The following ZNF599 variants were observed in gnomAD, a reference collection of about 807,000 sequenced individuals.
ZNF599 encodes the protein zinc finger protein 599.
A neutral mutation model predicts 11.7 loss-of-function variants in ZNF599; 10 were observed. The ratio of observed to expected loss-of-function variants is 0.86; its 90% CI spans 0.53 to 1.45. The LOEUF is 1.45. ZNF599 is among the 40% of genes most tolerant of loss of function. The probability of loss-of-function intolerance (pLI) is 0.00; values close to 1 mark genes in which losing one functional copy is unlikely to be tolerated. For synonymous variants in ZNF599, 232 were observed against 253.2 expected (o/e 0.92, Z 0.79); for missense variants, 688 against 713.6 (o/e 0.96, Z 0.41).
the ZNF599 span, among the ~76,000 whole-genome samples, chr19:34,783,882 C>T: frequency 1.6e-4 from 24 of 152,080 alleles, no homozygotes; most frequent in Admixed American, 1.6e-3. Flanking sequence ...CCTGTGAAGC[C>T]CCAATTGCCG....
At chr19:34,791,287 T>G in the ZNF599 span, among the ~76,000 whole-genome samples, 1 of 152,238 alleles carries the variant, frequency 6.6e-6, no homozygotes, top group Non-Finnish European at 1.5e-5. Context: ...ATGACTTCTC[T>G]TTCTCATTTT....
At position 34,759,018 on chromosome 19, in the gene ZNF599, G is replaced by A; in HGVS notation, c.*16C>T. 1 of 1,588,640 alleles carries A rather than the reference G, an allele frequency of 6.3e-7. No homozygotes were observed. The highest frequency in any genetic ancestry group is 8.6e-7 in the Non-Finnish European group (1 of 1,165,952). The stretch of plus-strand genomic sequence containing the variant: ...ACTAAAGACAAACACACTTGTAATA[G>A]GCCTTCCTGTATCTTTTAAACTCTG... On this transcript the variant is annotated 3_prime_UTR_variant, in exon 4 of 4. Transcript: ENST00000329285.
the ZNF599 span, chr19:34,779,791 A>G: frequency 4.7e-6 from 1 of 214,796 alleles, no homozygotes; most frequent in South Asian, 6.5e-5. Flanking sequence ...CTCTACACCC[A>G]TAAGGCCTTT....
chr19:34,788,199 C>G, the ZNF599 span, among the ~76,000 whole-genome samples: 114 of 152,230 alleles, frequency 7.5e-4, no homozygotes, highest in African/African-American at 2.7e-3. Context: ...TGTGCAGGAT[C>G]CTGGAACCAA....
At chr19:34,777,460 ATATAT>A (rs1486617771), upstream of ZNF599, among the ~76,000 whole-genome samples, 629 of 98,992 alleles carry the variant, frequency 6.4e-3, 6 homozygotes, top group African/African-American at 0.025. Flanking sequence ...TTAATATATA[ATATAT>A]TATATATTAA....
At chr19:34,796,963 C>G in the ZNF599 span, among the ~76,000 whole-genome samples, 2 of 139,712 alleles carry the variant, frequency 1.4e-5, no homozygotes, top group South Asian at 2.7e-4. Flanking sequence ...TCCCTCCCCC[C>G]TCCCTCCACC....
the ZNF599 span, among the ~76,000 whole-genome samples, chr19:34,782,194 C>A: frequency 6.6e-6 from 1 of 152,186 alleles, no homozygotes; most frequent in Non-Finnish European, 1.5e-5. Flanking sequence ...TCCAGTTGGG[C>A]AACTAAATGG....
chr19:34,783,652 C>A, the ZNF599 span, among the ~76,000 whole-genome samples: 1 of 152,136 alleles, frequency 6.6e-6, no homozygotes, highest in South Asian at 2.1e-4. Flanking sequence ...GTCAAAGCAT[C>A]AGAAAATATA....
chr19:34,796,157 T>C, the ZNF599 span, among the ~76,000 whole-genome samples: 1 of 152,098 alleles, frequency 6.6e-6, no homozygotes, highest in Admixed American at 6.6e-5. Context: ...TTAAGTCTTC[T>C]AGGGTTTCAC....
chr19:34,777,414 TATATTAATTAATATATA>T (rs2069224652), upstream of ZNF599, among the ~76,000 whole-genome samples: 2 of 94,798 alleles, frequency 2.1e-5, no homozygotes, highest in Non-Finnish European at 3.9e-5. Flanking sequence ...ATATATAATA[TATATTAATTAATATATA>T]ATATATGATA....
chr19:34,792,804 C>T, the ZNF599 span, among the ~76,000 whole-genome samples: 3 of 151,930 alleles, frequency 2.0e-5, no homozygotes, highest in Middle Eastern at 3.4e-3. Flanking sequence ...CGGAGCTTAC[C>T]GTGAGCGGAG....
At chr19:34,768,945 G>A (rs1354052998) in intron 2 of ZNF599, among the ~76,000 whole-genome samples, 1 of 152,238 alleles carries the variant, frequency 6.6e-6, no homozygotes, top group East Asian at 1.9e-4. Context: ...CAAGGCACAG[G>A]CCTTAGGAAG....
the ZNF599 span, chr19:34,791,736 GA>G: frequency 6.6e-6 from 1 of 152,224 alleles, no homozygotes. Context: ...GTCACAACAA[GA>G]GGCTTCCCCC....
the ZNF599 span, among the ~76,000 whole-genome samples, chr19:34,778,291 T>C: frequency 1.3e-5 from 2 of 151,524 alleles, no homozygotes; most frequent in Non-Finnish European, 2.9e-5. Flanking sequence ...GTTGTGCACA[T>C]GTACCCTAGA....
chr19:34,796,445 G>A, the ZNF599 span, among the ~76,000 whole-genome samples: 1 of 151,696 alleles, frequency 6.6e-6, no homozygotes, highest in African/African-American at 2.4e-5. Context: ...CGAGAAGCTG[G>A]GATTACAGGC....
chr19:34,785,141 A>G, the ZNF599 span, among the ~76,000 whole-genome samples: 41 of 151,728 alleles, frequency 2.7e-4, no homozygotes, highest in African/African-American at 9.0e-4. Context: ...TTCCATCTCA[A>G]TTGGTGGCAC....
chr19:34,777,402 TTATATATAA>T (rs1568497010), upstream of ZNF599, among the ~76,000 whole-genome samples: 2 of 88,338 alleles, frequency 2.3e-5, no homozygotes, highest in African/African-American at 5.2e-5. Context: ...ATAATATATA[TTATATATAA>T]TATATATTAA....
In ZNF599 at chr19:34,759,987, C is replaced by T; in HGVS notation, c.814G>A (p.Glu272Lys). ...KAFKRRFHLT[E>K]HQRIHTGDKP... Reference sequence around the variant, plus strand: ...TCTCCGGTGTGAATACGCTGGTGCTCCGTGAGGTGAAACCTGCGTTTGAAG... The same window carrying T: ...TCTCCGGTGTGAATACGCTGGTGCTTCGTGAGGTGAAACCTGCGTTTGAAG... Residue 272 changes from glutamate (E) to lysine (K), a missense_variant, in exon 4 of 4, where the codon GAG (glutamate) becomes AAG (lysine). Transcript: ENST00000329285. 6.2e-7 allele frequency: 1 copy of T among 1,614,078 alleles called. No individual in the cohort carries two copies. Among genetic ancestry groups the T allele is most frequent in the East Asian group, 2.2e-5 (1 of 44,876 alleles).
chr19:34,801,592 G>C, the ZNF599 span, among the ~76,000 whole-genome samples: 1 of 152,348 alleles, frequency 6.6e-6, no homozygotes, highest in South Asian at 2.1e-4. Context: ...CTTCTCCACT[G>C]TGGACTCTTT....
Sources: gnomAD v4.1 joint callset for allele counts (sites outside exome capture counted in the v4.1 genomes callset) on GRCh38, gnomAD v4.1.1 for gene constraint, MANE v1.5 for transcripts, NCBI Gene and HGNC (gene_info 2026-07-23, HGNC 2026-07-21) for gene names.